RALYL: variants seen among roughly 807,000 people sequenced by gnomAD.
RALYL encodes the protein RNA-binding Raly-like protein.
A neutral mutation model predicts 35.1 loss-of-function variants in RALYL; 29 were observed. That is an observed-to-expected ratio of 0.83 (90% confidence interval 0.61 to 1.13). RALYL has a LOEUF of 1.13. Among genes scored for constraint, RALYL ranks in the 50% most tolerant of loss-of-function variants. The probability of loss-of-function intolerance (pLI) is 0.00; values close to 1 mark genes in which losing one functional copy is unlikely to be tolerated. For missense variants in RALYL, 359 were observed against 360.4 expected, an observed-to-expected ratio of 1.00 and a Z score of 0.03; for synonymous variants, 120 against 127.6, an observed-to-expected ratio of 0.94 and a Z score of 0.40.
At position 84,844,869 on chromosome 8, in the gene RALYL, C is replaced by CA. The variant is rs768130784; in HGVS notation, c.366-5105dup. Among the ~76,000 whole-genome samples, 116 of 150,512 alleles carry CA rather than the reference C, an allele frequency of 7.7e-4. 2 individuals are homozygous for CA. Among genetic ancestry groups the CA allele is most frequent in the Middle Eastern group, 6.8e-3 (2 of 294 alleles). On this transcript the variant is annotated intron_variant, in intron 4 of 8. Coordinates refer to ENST00000521268, the MANE Select transcript of RALYL (RefSeq NM_173848.7). ...CATTCCCAGCAAACTATGGCAAGGA[C>CA]AAAAAACCAAACGCCACATGTTCTC... is the stretch of plus-strand genomic sequence containing the variant.
intron 4 of RALYL, among the ~76,000 whole-genome samples, chr8:84,806,789 C>T (rs1357590348): frequency 2.0e-5 from 3 of 152,072 alleles, no homozygotes; most frequent in African/African-American, 7.2e-5. Flanking sequence ...AGGTGGGCGA[C>T]TCACTTGAGT....
At chr8:84,897,013 A>G (rs1311291563) in intron 8 of RALYL, among the ~76,000 whole-genome samples, 1 of 152,202 alleles carries the variant, frequency 6.6e-6, no homozygotes, top group Non-Finnish European at 1.5e-5. Flanking sequence ...TTGAAATTCA[A>G]ATTCAACTGG....
intron 1 of RALYL, among the ~76,000 whole-genome samples, chr8:84,525,635 T>G (rs1449421800): frequency 6.6e-6 from 1 of 152,166 alleles, no homozygotes; most frequent in African/African-American, 2.4e-5. Context: ...GAGTTAAATA[T>G]TAACTCACTG....
At chr8:84,913,790 GT>G (rs1373629462) in intron 8 of RALYL, among the ~76,000 whole-genome samples, 1 of 151,524 alleles carries the variant, frequency 6.6e-6, no homozygotes, top group Non-Finnish European at 1.5e-5. Context: ...GCTTTAAGTG[GT>G]TTTTTTTAAA....
At chr8:84,886,604 A>G (rs1463477816) in intron 7 of RALYL, among the ~76,000 whole-genome samples, 1 of 152,198 alleles carries the variant, frequency 6.6e-6, no homozygotes, top group African/African-American at 2.4e-5. Context: ...TAAGTTAGAG[A>G]AGGAGGAACA....
intron 1 of RALYL, among the ~76,000 whole-genome samples, chr8:84,441,454 G>A (rs1014984987): frequency 2.0e-5 from 3 of 152,084 alleles, no homozygotes; most frequent in African/African-American, 4.8e-5. Flanking sequence ...TAGAAAAGTA[G>A]TTGTGATGTT....
chr8:84,274,217 G>A (rs943946364), intron 1 of RALYL, among the ~76,000 whole-genome samples: 7 of 152,114 alleles, frequency 4.6e-5, no homozygotes, highest in African/African-American at 1.2e-4. Flanking sequence ...CTCAGTTTAG[G>A]AAGCTATTGA....
At chr8:84,241,088 T>C (rs1162258410) in intron 1 of RALYL, among the ~76,000 whole-genome samples, 1 of 152,124 alleles carries the variant, frequency 6.6e-6, no homozygotes, top group Non-Finnish European at 1.5e-5. Context: ...TGATTTTTTG[T>C]TATAGTACTT....
intron 1 of RALYL, among the ~76,000 whole-genome samples, chr8:84,484,853 T>C (rs910615307): frequency 6.6e-6 from 1 of 152,210 alleles, no homozygotes; most frequent in Non-Finnish European, 1.5e-5. Flanking sequence ...GTTTATTCAC[T>C]GATCTGTGAA....
intron 1 of RALYL, among the ~76,000 whole-genome samples, chr8:84,454,478 G>T (rs1041410363): frequency 3.3e-5 from 5 of 152,060 alleles, no homozygotes; most frequent in African/African-American, 7.2e-5. Flanking sequence ...AATGGAAGTA[G>T]AGTATTTACC....
intron 1 of RALYL, among the ~76,000 whole-genome samples, chr8:84,486,364 T>G (rs982597349): frequency 2.0e-5 from 3 of 151,254 alleles, no homozygotes; most frequent in Non-Finnish European, 4.4e-5. Flanking sequence ...AAATTATATT[T>G]ATACTTTTTT....
intron 2 of RALYL, among the ~76,000 whole-genome samples, chr8:84,656,223 C>A (rs191510280): frequency 6.6e-6 from 1 of 152,190 alleles, no homozygotes; most frequent in East Asian, 1.9e-4. Flanking sequence ...TTTAGTTATA[C>A]CATGTGTCTT....
chr8:84,663,956 A>G (rs11735918), intron 2 of RALYL, among the ~76,000 whole-genome samples: 1 of 152,110 alleles, frequency 6.6e-6, no homozygotes, highest in African/African-American at 2.4e-5. Context: ...GGGGTTTTAC[A>G]TTTAGGTCTT....
chr8:84,302,797 T>C (rs970552486), intron 1 of RALYL, among the ~76,000 whole-genome samples: 3 of 152,218 alleles, frequency 2.0e-5, no homozygotes, highest in African/African-American at 7.2e-5. Context: ...GTCTTTCAAG[T>C]ACCTTTCTGT....
chr8:84,253,183 T>G (rs866114924), intron 1 of RALYL, among the ~76,000 whole-genome samples: 33 of 115,852 alleles, frequency 2.8e-4, no homozygotes, highest in Admixed American at 7.6e-4. Flanking sequence ...GCAGTTTTTT[T>G]TTTTTTTTTT....
At chr8:84,411,538 C>G (rs2044102571) in intron 1 of RALYL, among the ~76,000 whole-genome samples, 1 of 151,560 alleles carries the variant, frequency 6.6e-6, no homozygotes, top group Non-Finnish European at 1.5e-5. Context: ...ACAAGAAGTT[C>G]CCTTCAACAG....
At chr8:84,273,543 A>G (rs2131978383) in intron 1 of RALYL, among the ~76,000 whole-genome samples, 1 of 152,378 alleles carries the variant, frequency 6.6e-6, no homozygotes, top group South Asian at 2.1e-4. Context: ...ATAGGATTAC[A>G]CAAGGACATG....
At chr8:84,741,974 G>T (rs565206093) in intron 2 of RALYL, among the ~76,000 whole-genome samples, 30 of 151,514 alleles carry the variant, frequency 2.0e-4, no homozygotes, top group South Asian at 4.2e-4. Flanking sequence ...TTTCCTTTGA[G>T]CCTGGGTGGG....
intron 1 of RALYL, among the ~76,000 whole-genome samples, chr8:84,395,446 G>A (rs1327489657): frequency 6.6e-6 from 1 of 151,824 alleles, no homozygotes; most frequent in African/African-American, 2.4e-5. Context: ...GGATTTCTGT[G>A]ATCAAATATT....
Sources: allele counts gnomAD v4.1 joint callset (sites outside exome capture counted in the v4.1 genomes callset), GRCh38; gene constraint gnomAD v4.1.1; transcripts MANE v1.5; gene names NCBI Gene and HGNC (gene_info 2026-07-23, HGNC 2026-07-21).